Variants in NBAS observed in about 807,000 individuals in gnomAD.
NBAS encodes the protein NAG/BC035112 fusion.
In NBAS, 219 loss-of-function variants were observed where a neutral mutation model predicts 302.5. The observed-to-expected ratio is 0.72, with a 90% confidence interval of 0.65 to 0.81. NBAS has a LOEUF of 0.81. Among genes scored for constraint, NBAS ranks in the 30% least tolerant of loss-of-function variants. NBAS has a pLI of 0.00. For synonymous variants in NBAS, 1,118 were observed against 1,021.6 expected, an observed-to-expected ratio of 1.09 and a Z score of -1.80; for missense variants, 2,932 against 2,841.6, an observed-to-expected ratio of 1.03 and a Z score of -0.72.
the NBAS span, among the ~76,000 whole-genome samples, chr2:14,963,442 T>G: frequency 2.0e-5 from 3 of 152,182 alleles, no homozygotes; most frequent in Admixed American, 6.5e-5. Flanking sequence ...TGGCCCCTTA[T>G]AGAAATCATT....
chr2:15,166,633 C>A (rs765297598), downstream of NBAS, among the ~76,000 whole-genome samples: 1 of 152,184 alleles, frequency 6.6e-6, no homozygotes, highest in African/African-American at 2.4e-5. Flanking sequence ...TTTAACTAAT[C>A]TGAAACTTGA....
chr2:15,310,368 T>G (rs1671220246), intron 38 of NBAS, among the ~76,000 whole-genome samples: 1 of 152,178 alleles, frequency 6.6e-6, no homozygotes. Flanking sequence ...TATCCGAACC[T>G]TAGGAACCAA....
intron 9 of NBAS, among the ~76,000 whole-genome samples, chr2:15,531,399 A>G (rs1361921090): frequency 6.6e-6 from 1 of 152,162 alleles, no homozygotes; most frequent in Non-Finnish European, 1.5e-5. Context: ...AATGCACCTG[A>G]TCTCGCATGA....
chr2:15,417,096 GAAAATTCTC>G (rs1676978406), intron 24 of NBAS, among the ~76,000 whole-genome samples: 1 of 152,122 alleles, frequency 6.6e-6, no homozygotes, highest in African/African-American at 2.4e-5. Context: ...GAATTACTGG[GAAAATTCTC>G]TTAAACATAC....
the NBAS span, among the ~76,000 whole-genome samples, chr2:15,096,973 G>A: frequency 2.0e-5 from 3 of 152,188 alleles, no homozygotes; most frequent in Non-Finnish European, 4.4e-5. Flanking sequence ...GCTTGGGAGG[G>A]GAGCCCAAGA....
chr2:15,218,661 C>T (rs1459483395), intron 48 of NBAS, 112 bp downstream of exon 48: 1 of 1,393,512 alleles, frequency 7.2e-7, no homozygotes, highest in Non-Finnish European at 1.0e-6. Context: ...CTCCTGGCCT[C>T]AGGTGATCCT....
At chr2:15,457,668 G>A (rs570507019) in intron 21 of NBAS, among the ~76,000 whole-genome samples, 2 of 152,262 alleles carry the variant, frequency 1.3e-5, no homozygotes, top group East Asian at 1.9e-4. Context: ...CACGTTCGAG[G>A]TGCCCAACCA....
At chr2:15,174,652 C>T (rs1664449204) in intron 51 of NBAS, among the ~76,000 whole-genome samples, 1 of 152,148 alleles carries the variant, frequency 6.6e-6, no homozygotes, top group Non-Finnish European at 1.5e-5. Context: ...AACTTCATTC[C>T]TCTGTAGAAA....
the NBAS span, among the ~76,000 whole-genome samples, chr2:14,937,205 T>C: frequency 6.6e-6 from 1 of 152,104 alleles, no homozygotes; most frequent in African/African-American, 2.4e-5. Flanking sequence ...GGTGGGGATA[T>C]TTGATTTGCT....
At chr2:15,178,355 C>T (rs558740980) in intron 51 of NBAS, among the ~76,000 whole-genome samples, 1 of 152,174 alleles carries the variant, frequency 6.6e-6, no homozygotes, top group South Asian at 2.1e-4. Flanking sequence ...AACATGAGTT[C>T]GTTAAAACAC....
the NBAS span, among the ~76,000 whole-genome samples, chr2:14,985,428 C>T: frequency 1.3e-5 from 2 of 152,258 alleles, no homozygotes; most frequent in Admixed American, 6.5e-5. Context: ...AAACATATCC[C>T]GCAGCTGCGA....
intron 25 of NBAS, among the ~76,000 whole-genome samples, chr2:15,414,208 A>G (rs899359726): frequency 5.3e-5 from 8 of 152,242 alleles, no homozygotes; most frequent in African/African-American, 1.9e-4. Flanking sequence ...CCACCCTTTT[A>G]GAAACCAAAA....
intron 20 of NBAS, 32 bp downstream of exon 20, chr2:15,461,649 AATAACC>A (rs1679511703): frequency 1.7e-6 from 2 of 1,192,616 alleles, no homozygotes; most frequent in African/African-American, 3.0e-5. Flanking sequence ...AGAGAGTGTT[AATAACC>A]ATAATTATTT....
chr2:15,551,711 A>G (rs949776708), intron 5 of NBAS, among the ~76,000 whole-genome samples, 175 bp from the exon 6 acceptor site: 4 of 152,226 alleles, frequency 2.6e-5, no homozygotes, highest in African/African-American at 9.6e-5. Context: ...ATTTTCTTCC[A>G]ACCTTATTGC....
chr2:15,196,190 G>C (rs1254639796), intron 48 of NBAS, among the ~76,000 whole-genome samples: 1 of 152,196 alleles, frequency 6.6e-6, no homozygotes, highest in African/African-American at 2.4e-5. Context: ...AAGAAGGCAA[G>C]AACTGAGTTG....
chr2:15,155,072 G>T, the NBAS span, among the ~76,000 whole-genome samples: 1 of 152,184 alleles, frequency 6.6e-6, no homozygotes, highest in Non-Finnish European at 1.5e-5. Context: ...TGAATGCTAA[G>T]CTAGGTAGGA....
At chr2:14,806,449 G>A in the NBAS span, among the ~76,000 whole-genome samples, 11 of 151,996 alleles carry the variant, frequency 7.2e-5, no homozygotes, top group Admixed American at 5.3e-4. Context: ...AAGATTCTTG[G>A]ACATAAATTA....
At chr2:15,399,641 A>G (rs1297271402) in intron 26 of NBAS, among the ~76,000 whole-genome samples, 1 of 152,194 alleles carries the variant, frequency 6.6e-6, no homozygotes, top group Non-Finnish European at 1.5e-5. Context: ...GAAGGAAGAA[A>G]AAAGAGGAGT....
chr2:15,295,604 G>A (rs1054593613), intron 40 of NBAS, among the ~76,000 whole-genome samples: 5 of 152,190 alleles, frequency 3.3e-5, no homozygotes, highest in Non-Finnish European at 7.3e-5. Flanking sequence ...TTATGGAATT[G>A]GCTAAAAGCC....
Sources: allele counts gnomAD v4.1 joint callset (sites outside exome capture counted in the v4.1 genomes callset), GRCh38; gene constraint gnomAD v4.1.1; transcripts MANE v1.5; gene names NCBI Gene and HGNC (gene_info 2026-07-23, HGNC 2026-07-21).